Variants in IARS1 observed in about 807,000 individuals in gnomAD.
IARS1 encodes isoleucine--tRNA ligase, cytoplasmic.
IARS1 carries 124 observed loss-of-function variants against 168.2 expected under a neutral mutation model. The ratio of observed to expected loss-of-function variants is 0.74; its 90% CI spans 0.64 to 0.86. IARS1 has a LOEUF of 0.86. Among genes scored for constraint, IARS1 ranks in the 40% least tolerant of loss-of-function variants. IARS1 has a pLI of 0.00. For synonymous variants in IARS1, 532 were observed against 529.4 expected (o/e 1.00, Z -0.07); for missense variants, 1,452 against 1,515.8 (o/e 0.96, Z 0.70).
At chr9:92,270,950 G>T in intron 12 of IARS1, 35 bp downstream of exon 12, 1 of 1,414,048 alleles carries the variant, frequency 7.1e-7, no homozygotes, top group Non-Finnish European at 9.9e-7. Context: ...CAGACTGGAA[G>T]CTCTAGCTAC....
chr9:92,290,994 A>C (rs1836236115), intron 1 of IARS1, among the ~76,000 whole-genome samples: 1 of 152,146 alleles, frequency 6.6e-6, no homozygotes, highest in Non-Finnish European at 1.5e-5. Context: ...TTGCTTATTC[A>C]TGATTTTTAT....
At chr9:92,214,528 G>A (rs1245146093) in intron 33 of IARS1, among the ~76,000 whole-genome samples, 1 of 152,200 alleles carries the variant, frequency 6.6e-6, no homozygotes, top group Non-Finnish European at 1.5e-5. Flanking sequence ...TCTCACTAGG[G>A]AGTGCCAGAC....
intron 30 of IARS1, chr9:92,240,439 T>C (rs559125265): frequency 2.1e-6 from 1 of 478,944 alleles, no homozygotes; most frequent in East Asian, 3.4e-5. Context: ...AATTTTGGTA[T>C]TTTTAGTAGA....
intron 31 of IARS1, among the ~76,000 whole-genome samples, chr9:92,224,244 A>T (rs1406489099): frequency 1.3e-5 from 2 of 152,196 alleles, no homozygotes; most frequent in Non-Finnish European, 2.9e-5. Context: ...TGTATCATCC[A>T]AAGTAGACAA....
intron 33 of IARS1, among the ~76,000 whole-genome samples, chr9:92,215,347 C>T (rs1405425098): frequency 6.6e-6 from 1 of 152,154 alleles, no homozygotes; most frequent in African/African-American, 2.4e-5. Context: ...AAACTGGAAA[C>T]TCTAAAAAGC....
In IARS1 at chr9:92,210,784, C is replaced by A; in HGVS notation, c.*23G>T. 1.3e-6 allele frequency: 2 copies of A among 1,488,122 alleles called. No individual in the cohort carries two copies. Among genetic ancestry groups the A allele is most frequent in the Non-Finnish European group, 1.9e-6 (2 of 1,066,160 alleles). 92.2% of individuals were successfully genotyped at this position (1,488,122 alleles called of 1,614,324 possible). A position where few individuals can be genotyped will look rare whatever the true frequency, so the allele number is the denominator to read the frequency against. Reference sequence around the variant, plus strand: ...TAGGTGTAATTAGGGAAGGGCTGACCGAACAACATTGATAAGTACATGCTA... The same window carrying A: ...TAGGTGTAATTAGGGAAGGGCTGACAGAACAACATTGATAAGTACATGCTA... On this transcript the variant is annotated 3_prime_UTR_variant, in exon 34 of 34. Coordinates refer to ENST00000443024, the MANE Select transcript of IARS1 (RefSeq NM_002161.6).
intron 30 of IARS1, chr9:92,240,538 G>A (rs952866659): frequency 1.1e-5 from 7 of 624,110 alleles, no homozygotes; most frequent in African/African-American, 9.3e-5. Context: ...GGGATTACAG[G>A]TGTGAGCTAC....
chr9:92,241,160 T>C (rs1376803072), intron 29 of IARS1, among the ~76,000 whole-genome samples, 199 bp from the exon 30 acceptor site: 1 of 152,198 alleles, frequency 6.6e-6, no homozygotes, highest in Admixed American at 6.5e-5. Flanking sequence ...TTCTTAAAAA[T>C]ATATGCTCAC....
intron 13 of IARS1, among the ~76,000 whole-genome samples, chr9:92,269,107 G>T (rs1832685062): frequency 6.6e-6 from 1 of 152,010 alleles, no homozygotes. Context: ...GAACTAATTA[G>T]CTTACTAGCT....
Position 92,224,850 on chromosome 9 carries a change from A to AAATAAAT in IARS1, c.3410-1368_3410-1362dup, listed in dbSNP as rs1193910031. The stretch of plus-strand genomic sequence containing the variant: ...CCTGTCTCAAAAAATAAAAAATAAA[A>AAATAAAT]AATAAATAATAATAATCAGTGGACA... On this transcript the variant is annotated intron_variant, in intron 31 of 33. Coordinates refer to ENST00000443024, the MANE Select transcript of IARS1 (RefSeq NM_002161.6). Among the ~76,000 whole-genome samples the AAATAAAT allele has an allele frequency of 6.5e-4, 99 of 151,184 alleles. 1 individual carries two copies. Among genetic ancestry groups the AAATAAAT allele is most frequent in the African/African-American group, 2.0e-3 (81 of 41,392 alleles).
At position 92,274,019 on chromosome 9, in the gene IARS1, T is replaced by C. The variant is rs569936643; in HGVS notation, c.990+407A>G. On this transcript the variant is annotated intron_variant, in intron 10 of 33. Transcript: ENST00000443024. ...CATACACAAATTACATAAAAAGGAATGTGTTTTTAGAAAAATTATTCTAGT... is the reference window on the plus strand; with the variant it reads ...CATACACAAATTACATAAAAAGGAACGTGTTTTTAGAAAAATTATTCTAGT... 1.6e-4 allele frequency among the ~76,000 whole-genome samples: 25 copies of C among 152,366 alleles called. 1 individual carries two copies. Among genetic ancestry groups the C allele is most frequent in the African/African-American group, 5.8e-4 (24 of 41,588 alleles).
At chr9:92,242,883 A>G in intron 28 of IARS1, 1 of 277,084 alleles carries the variant, frequency 3.6e-6, no homozygotes, top group East Asian at 9.2e-5. Context: ...AAGCCTGTCT[A>G]TGCTGACTGC....
chr9:92,287,525 A>C, intron 4 of IARS1: 1 of 232,366 alleles, frequency 4.3e-6, no homozygotes, highest in Non-Finnish European at 8.3e-6. Context: ...GAAAAAAAGA[A>C]AAGGCCTATA....
chr9:92,254,911 C>T (rs376882126), intron 20 of IARS1, among the ~76,000 whole-genome samples: 9 of 152,320 alleles, frequency 5.9e-5, no homozygotes, highest in East Asian at 5.8e-4. Flanking sequence ...GCAGACCAGG[C>T]TCCAGCCAGA....
At chr9:92,278,324 T>A in intron 7 of IARS1, 38 bp from the exon 8 acceptor site, 5 of 1,405,672 alleles carry the variant, frequency 3.6e-6, no homozygotes, top group Non-Finnish European at 5.0e-6. Context: ...TGGGTTATAT[T>A]CTGAACTTGG....
chr9:92,280,698 A>G, intron 7 of IARS1, 48 bp downstream of exon 7: 2 of 1,285,208 alleles, frequency 1.6e-6, no homozygotes, highest in Non-Finnish European at 2.1e-6. Flanking sequence ...TCCAAAATAT[A>G]AAATTATCTT....
At chr9:92,256,022 TA>T (rs34796593) in intron 20 of IARS1, among the ~76,000 whole-genome samples, 4,865 of 139,490 alleles carry the variant, frequency 0.035, 111 homozygotes, top group South Asian at 0.086. Context: ...TATGTACCCA[TA>T]AAAAAAAAAA....
In IARS1 at chr9:92,269,981, G is replaced by C; in HGVS notation, c.1208C>G (p.Ser403Ter). The C allele has an allele frequency of 6.2e-7, 1 of 1,609,500 alleles. No individual in the cohort carries two copies. The highest frequency in any genetic ancestry group is 8.5e-7 in the Non-Finnish European group (1 of 1,175,872). ...TGCTTTGTAAATTAGAGGAGTGTCT[G>C]ATCTGGGGAAGCAGAAACACACACA... ...FTHSYPFCWR[S>*]DTPLIYKAVP... Residue 403 changes from serine to a stop codon, truncating the protein, a stop_gained and splice_region_variant, in exon 13 of 34, where the codon TCA becomes TGA. Transcript: ENST00000443024. LOFTEE classifies it high-confidence loss of function.
chr9:92,247,533 C>T lies in IARS1; in HGVS notation c.2635G>A (p.Val879Ile). 1.2e-6 allele frequency: 2 copies of T among 1,613,466 alleles called. No homozygotes were observed. Among genetic ancestry groups the T allele is most frequent in the Non-Finnish European group, 1.7e-6 (2 of 1,179,866 alleles). The change falls in exon 26 of 34, where the codon GTT (valine) becomes ATT (isoleucine). Residue 879 changes from valine to isoleucine, a missense_variant. Physicochemically the swap from Val to Ile is conservative, Grantham distance 29 (BLOSUM62 3). Coordinates refer to ENST00000443024, the MANE Select transcript of IARS1 (RefSeq NM_002161.6). Reference sequence around the variant, plus strand: ...TTGTTTTTATCTGTAGACAGTGTAACTTTTCGAACATTGAGTTCCTACAGT... The same window carrying T: ...TTGTTTTTATCTGTAGACAGTGTAATTTTTCGAACATTGAGTTCCTACAGT... ...YIIEELNVRK[V>I]TLSTDKNKYG...
Sources: gnomAD v4.1 joint callset for allele counts (sites outside exome capture counted in the v4.1 genomes callset) on GRCh38, gnomAD v4.1.1 for gene constraint, MANE v1.5 for transcripts, NCBI Gene and HGNC (gene_info 2026-07-23, HGNC 2026-07-21) for gene names.